The following ADAMTS2 variants were observed in gnomAD, a reference collection of about 807,000 sequenced individuals.
ADAMTS2 encodes the protein ADAM metallopeptidase with thrombospondin type 1 motif 2, also known as A disintegrin and metalloproteinase with thrombospondin motifs 2.
In ADAMTS2, 50 loss-of-function variants were observed where a neutral mutation model predicts 123.0. The ratio of observed to expected loss-of-function variants is 0.41; its 90% CI spans 0.32 to 0.51. The LOEUF (loss-of-function observed/expected upper bound fraction) is 0.51, where lower values mean the gene tolerates loss of function less well. ADAMTS2 is among the 20% of genes least tolerant of loss of function. The pLI is 0.35. For synonymous variants in ADAMTS2, 678 were observed against 695.4 expected, an observed-to-expected ratio of 0.98 and a Z score of 0.39; for missense variants, 1,494 against 1,705.2, an observed-to-expected ratio of 0.88 and a Z score of 2.18.
At chr5:179,310,680 T>A (rs1756805940) in intron 2 of ADAMTS2, among the ~76,000 whole-genome samples, 1 of 152,174 alleles carries the variant, frequency 6.6e-6, no homozygotes, top group Non-Finnish European at 1.5e-5. Flanking sequence ...CCAGCTGAAC[T>A]AAAACCTGCA....
intron 2 of ADAMTS2, among the ~76,000 whole-genome samples, chr5:179,315,628 G>A (rs542452562): frequency 1.3e-5 from 2 of 152,346 alleles, no homozygotes; most frequent in Non-Finnish European, 1.5e-5. Context: ...TAGAGACGCC[G>A]TACCCAGGAC....
rs1762637060 is a variant in ADAMTS2 at position 179,115,114 on chromosome 5, C to T, written c.3179-790G>A. On this transcript the variant is annotated intron_variant, in intron 21 of 21. Transcript: ENST00000251582. The surrounding 1 kb of genome is among the most constrained non-coding windows in gnomAD (Gnocchi z 4.4). ...CCTGCACATCTTTCTCTTTCCTTTC[C>T]ACCCAAGAAACTGGTCATCTGTGGT... 6.6e-6 allele frequency among the ~76,000 whole-genome samples: 1 copy of T among 152,144 alleles called. No homozygotes were observed. The highest frequency in any genetic ancestry group is 1.5e-5 in the Non-Finnish European group (1 of 68,042).
chr5:179,330,309 C>A (rs1757449514), intron 2 of ADAMTS2, among the ~76,000 whole-genome samples: 1 of 152,082 alleles, frequency 6.6e-6, no homozygotes, highest in African/African-American at 2.4e-5. Context: ...CAGAGTCTAT[C>A]AGGACAGGCT....
chr5:179,328,193 C>A (rs548320730), intron 2 of ADAMTS2, among the ~76,000 whole-genome samples: 4 of 152,144 alleles, frequency 2.6e-5, no homozygotes, highest in Admixed American at 2.6e-4. Flanking sequence ...CCACCACGCC[C>A]GGCTAATTTT....
chr5:179,132,130 C>A lies in ADAMTS2; in HGVS notation c.2290+100G>T, dbSNP rs557150206. ...GCTGCCCTGGCTCAGGTCATGGCTG[C>A]ACAACCCGGGCCCCTGACCCCTGAC... is the stretch of plus-strand genomic sequence containing the variant. On this transcript the variant is annotated intron_variant, in intron 15 of 21. Coordinates refer to ENST00000251582, the MANE Select transcript of ADAMTS2 (RefSeq NM_014244.5). The surrounding 1 kb of genome is among the most constrained non-coding windows in gnomAD (Gnocchi z 6.1). 3 of 1,212,982 alleles carry A rather than the reference C, an allele frequency of 2.5e-6. No homozygotes were observed. 75.1% of individuals were successfully genotyped at this position (1,212,982 alleles called of 1,614,324 possible). A position where few individuals can be genotyped will look rare whatever the true frequency, so the allele number is the denominator to read the frequency against.
At chr5:179,140,173 C>G in intron 10 of ADAMTS2, 138 bp from the exon 11 acceptor site, 1 of 1,301,440 alleles carries the variant, frequency 7.7e-7, no homozygotes, top group Middle Eastern at 2.3e-4. Flanking sequence ...CTCCTCGCCC[C>G]TAGATGCTCA....
intron 3 of ADAMTS2, among the ~76,000 whole-genome samples, chr5:179,218,644 G>A (rs569555127): frequency 2.6e-5 from 4 of 152,218 alleles, no homozygotes; most frequent in African/African-American, 4.8e-5. Context: ...ATCGGAGGGT[G>A]GGGAGGGGCT....
rs1204468403 is a variant in ADAMTS2 at position 179,317,787 on chromosome 5, T to C, written c.534+25980A>G. On this transcript the variant is annotated intron_variant, in intron 2 of 21. Coordinates refer to ENST00000251582, the MANE Select transcript of ADAMTS2 (RefSeq NM_014244.5). This position sits in a 1 kb window ranked among gnomAD's most constrained non-coding sequence, Gnocchi z 4.9. Reference sequence around the variant, plus strand: ...ACCAGCTGAGACTCCCTGGCCAGACTCATCGCCAGCTGGGGAGAGTGGAGC... The same window carrying C: ...ACCAGCTGAGACTCCCTGGCCAGACCCATCGCCAGCTGGGGAGAGTGGAGC... Among the ~76,000 whole-genome samples, 1 of 152,118 alleles carries C rather than the reference T, an allele frequency of 6.6e-6. No homozygotes were observed. The highest frequency in any genetic ancestry group is 1.5e-5 in the Non-Finnish European group (1 of 68,006).
At chr5:179,206,873 G>A (rs1429977475) in intron 4 of ADAMTS2, among the ~76,000 whole-genome samples, 1 of 152,164 alleles carries the variant, frequency 6.6e-6, no homozygotes, top group South Asian at 2.1e-4. Flanking sequence ...CCATGGGCAG[G>A]TGCCCAGAAG....
At position 179,345,149 on chromosome 5, in the gene ADAMTS2, C is replaced by T. The variant is rs896573995; in HGVS notation, c.139+41G>A. On this transcript the variant is annotated intron_variant, in intron 1 of 21. Transcript: ENST00000251582. This position sits in a 1 kb window ranked among gnomAD's most constrained non-coding sequence, Gnocchi z 7.5. ...GCGGGGCACGCGGGACAGGGCCAGG[C>T]CGGCGGGGGTCCCGGGGAGTAGGGG... 41 of 1,078,604 alleles carry T rather than the reference C, an allele frequency of 3.8e-5. No individual in the cohort carries two copies. The highest frequency in any genetic ancestry group is 4.4e-5 in the Non-Finnish European group (39 of 890,722). The allele number at this position is 1,078,604 out of a possible 1,614,324, so 66.8% of individuals were successfully genotyped here. A position where few individuals can be genotyped will look rare whatever the true frequency, so the allele number is the denominator to read the frequency against.
chr5:179,182,906 A>G (rs930953068), intron 4 of ADAMTS2, among the ~76,000 whole-genome samples: 2 of 152,094 alleles, frequency 1.3e-5, no homozygotes, highest in Admixed American at 1.3e-4. Flanking sequence ...GACAAGATGG[A>G]GCTCCGAGGA....
At chr5:179,207,491 C>CCA in intron 4 of ADAMTS2, 22 bp downstream of exon 4, 1 of 1,424,092 alleles carries the variant, frequency 7.0e-7, no homozygotes, top group Non-Finnish European at 9.9e-7. Flanking sequence ...CCCCACCCTG[C>CCA]CCCCTCAGCC....
At chr5:179,287,170 C>G (rs1479830923) in intron 2 of ADAMTS2, among the ~76,000 whole-genome samples, 1 of 152,152 alleles carries the variant, frequency 6.6e-6, no homozygotes, top group Non-Finnish European at 1.5e-5. Flanking sequence ...CCACTCTGGA[C>G]AGGCCGGAAG....
intron 2 of ADAMTS2, among the ~76,000 whole-genome samples, chr5:179,296,494 G>A (rs1414879688): frequency 6.6e-6 from 1 of 152,180 alleles, no homozygotes; most frequent in Non-Finnish European, 1.5e-5. Flanking sequence ...AGGGAGGAGG[G>A]ATGGGGCTGG....
In ADAMTS2 at chr5:179,273,037, C is replaced by T. The variant is rs146064587; in HGVS notation, c.562G>A (p.Glu188Lys). The T allele has an allele frequency of 6.2e-7, 1 of 1,613,486 alleles. No homozygotes were observed. The highest frequency in any genetic ancestry group is 8.5e-7 in the Non-Finnish European group (1 of 1,179,996). ...LAGLIRMEEE[E>K]FFIEPLEKGL... is the part of the protein sequence containing the mutation. ...TTCTCCAAGGGTTCGATGAAGAACT[C>T]CTCCTCCTCCATCCGGATCAGACCA... Residue 188 changes from glutamate to lysine, a missense_variant, in exon 3 of 22, where the codon GAG becomes AAG. This residue lies in a region of ADAMTS2 where 184 missense variants were observed against 152.1 expected (regional missense o/e 1.21). Transcript: ENST00000251582.
chr5:179,156,359 ATTT>A (rs397967558), intron 6 of ADAMTS2, among the ~76,000 whole-genome samples: 3 of 122,344 alleles, frequency 2.5e-5, no homozygotes, highest in Admixed American at 1.7e-4. Context: ...TCAGCTTTCG[ATTT>A]TTTTTTTTTT....
intron 4 of ADAMTS2, among the ~76,000 whole-genome samples, chr5:179,206,325 T>C (rs1320042271): frequency 6.6e-6 from 1 of 152,094 alleles, no homozygotes; most frequent in Non-Finnish European, 1.5e-5. Flanking sequence ...CTGGGGACTC[T>C]GACCCATGTG....
At chr5:179,183,767 G>C (rs976405882) in intron 4 of ADAMTS2, among the ~76,000 whole-genome samples, 11 of 152,230 alleles carry the variant, frequency 7.2e-5, no homozygotes, top group Non-Finnish European at 1.3e-4. Flanking sequence ...CTACTGCAGA[G>C]GGGACTCATC....
rs529072002 is a variant in ADAMTS2, at chr5:179,320,452, T to C, written c.534+23315A>G. ...CCTCCTGAGTAGCTGAGACTACAGG[T>C]GTCCACCACTACGCCTGGCTAATTT... is the stretch of plus-strand genomic sequence containing the variant. On this transcript the variant is annotated intron_variant, in intron 2 of 21. Transcript: ENST00000251582. Among the ~76,000 whole-genome samples the C allele has an allele frequency of 9.2e-5, 14 of 151,618 alleles. 1 individual carries two copies. The South Asian group carries it at 2.9e-3, about 32-fold the overall frequency.
Sources: allele counts gnomAD v4.1 joint callset (sites outside exome capture counted in the v4.1 genomes callset), GRCh38; gene constraint gnomAD v4.1.1; regional missense constraint gnomAD v4.1.1; non-coding constraint Gnocchi (gnomAD v3.1); transcripts MANE v1.5; gene names NCBI Gene and HGNC (gene_info 2026-07-23, HGNC 2026-07-21).